Variants in THOP1 observed in about 807,000 individuals in gnomAD.
THOP1 encodes the protein thimet oligopeptidase.
Under a neutral mutation model 71.8 loss-of-function variants are expected in THOP1, and 49 were observed. That is an observed-to-expected ratio of 0.68 (90% CI 0.54 to 0.87). The LOEUF (loss-of-function observed/expected upper bound fraction) is 0.87, where lower values mean the gene tolerates loss of function less well. Ranked by LOEUF, THOP1 falls within the 40% of genes least tolerant of loss-of-function variation. The probability of loss-of-function intolerance (pLI) is 0.00; values close to 1 mark genes in which losing one functional copy is unlikely to be tolerated. For synonymous variants in THOP1, 426 were observed against 421.5 expected (o/e 1.01, Z -0.13); for missense variants, 843 against 975.6 (o/e 0.86, Z 1.81).
At chr19:2,796,317 C>A in intron 4 of THOP1, 129 bp downstream of exon 4, 2 of 717,370 alleles carry the variant, frequency 2.8e-6, no homozygotes, top group Non-Finnish European at 4.6e-6. Flanking sequence ...GTGCTGGGCT[C>A]GGGGAGTGCT....
rs143179443 is a variant in THOP1, at chr19:2,799,759, C to G, written c.557C>G (p.Thr186Arg). 6.2e-7 allele frequency: 1 copy of G among 1,613,938 alleles called. No homozygotes were observed. The highest frequency in any genetic ancestry group is 1.3e-5 in the African/African-American group (1 of 75,052). ...IDFNKNLNED[T>R]TFLPFTLQEL... ...TTCAACAAGAACCTGAACGAGGACA[C>G]GACCTTCCTGCCCTTCACGCTCCAG... is the stretch of plus-strand genomic sequence containing the variant. Residue 186 changes from threonine (T) to arginine (R), a missense_variant, in exon 5 of 13, where the codon ACG (threonine) becomes AGG (arginine). Thr to Arg is a moderately conservative substitution (Grantham distance 71). Coordinates refer to ENST00000307741, the MANE Select transcript of THOP1 (RefSeq NM_003249.5).
intron 11 of THOP1, among the ~76,000 whole-genome samples, chr19:2,811,172 C>T (rs891516301): frequency 3.2e-4 from 49 of 152,208 alleles, no homozygotes; most frequent in African/African-American, 1.1e-3. Flanking sequence ...TGTTCACACA[C>T]GCTTGCGAGG....
intron 12 of THOP1, among the ~76,000 whole-genome samples, chr19:2,812,894 G>A (rs553252991): frequency 1.1e-3 from 162 of 152,278 alleles, no homozygotes; most frequent in Non-Finnish European, 1.9e-3. Context: ...TGGGGAGTTC[G>A]GGGCTCTGCT....
intron 1 of THOP1, chr19:2,786,994 A>T (rs1360110193): frequency 6.6e-6 from 1 of 151,700 alleles, no homozygotes; most frequent in Non-Finnish European, 1.5e-5. Context: ...TGACCTCGTG[A>T]TCCACCCGCC....
chr19:2,813,435 G>A lies in THOP1; in HGVS notation c.*159G>A, dbSNP rs756254402. On this transcript the variant is annotated 3_prime_UTR_variant, in exon 13 of 13. Coordinates refer to ENST00000307741, the MANE Select transcript of THOP1 (RefSeq NM_003249.5). ...TGTCATTGTCTGTCCCCACCCGGTC[G>A]TGGCCCACCCGGCTAGAGACGGCGT... 54 of 955,592 alleles carry A rather than the reference G, an allele frequency of 5.7e-5. No individual in the cohort carries two copies. Among genetic ancestry groups the A allele is most frequent in the Admixed American group, 1.8e-4 (6 of 33,930 alleles). 59.2% of individuals were successfully genotyped at this position (955,592 alleles called of 1,614,324 possible).
In THOP1 at chr19:2,807,584, G is replaced by A. The variant is rs758232107; in HGVS notation, c.1029G>A (p.Gln343=). 10 of 1,612,602 alleles carry A rather than the reference G, an allele frequency of 6.2e-6. No individual in the cohort carries two copies. The highest frequency in any genetic ancestry group is 1.6e-4 in the Middle Eastern group (1 of 6,078). ...RAWDMRYYMN[Q]VEETRYCVDQ... ...GGGACATGCGCTACTACATGAACCA[G>A]GTGGAGGAGACGCGCTACTGCGTGG... Residue 343 remains glutamine, a synonymous_variant, in exon 8 of 13, where the codon CAG becomes CAA. Transcript: ENST00000307741.
chr19:2,797,693 A>G (rs959610448), intron 4 of THOP1, among the ~76,000 whole-genome samples: 1 of 152,238 alleles, frequency 6.6e-6, no homozygotes, highest in African/African-American at 2.4e-5. Context: ...GATTTATGAT[A>G]TTCACAACTC....
chr19:2,806,816 C>T (rs531131039), intron 6 of THOP1, 101 bp from the exon 7 acceptor site: 25 of 1,580,768 alleles, frequency 1.6e-5, no homozygotes, highest in Middle Eastern at 2.0e-4. Context: ...GGAGGTCAGA[C>T]GGAGCTGGAT....
At chr19:2,796,747 C>G (rs888838081) in intron 4 of THOP1, among the ~76,000 whole-genome samples, 3 of 152,204 alleles carry the variant, frequency 2.0e-5, no homozygotes, top group African/African-American at 4.8e-5. Context: ...GAGCGTCCCC[C>G]CTTCAGGGCT....
intron 1 of THOP1, among the ~76,000 whole-genome samples, chr19:2,787,338 A>T (rs777789685): frequency 3.0e-4 from 46 of 152,154 alleles, no homozygotes; most frequent in Non-Finnish European, 3.8e-4. Context: ...ATAGTCAGGG[A>T]TATTCAGGCC....
chr19:2,813,896 AGAGAGTCTG>A lies in THOP1; in HGVS notation c.*623_*631del. On this transcript the variant is annotated 3_prime_UTR_variant, in exon 13 of 13. Coordinates refer to ENST00000307741, the MANE Select transcript of THOP1 (RefSeq NM_003249.5). ...CATCAAGGACCAGGCTCCACTGGTC[AGAGAGTCTG>A]GAAAGTCAGGGCAGGCCCTGTGCGC... 6.6e-6 allele frequency: 1 copy of A among 152,548 alleles called. No homozygotes were observed. The highest frequency in any genetic ancestry group is 2.4e-5 in the African/African-American group (1 of 41,552). 9.4% of individuals were successfully genotyped at this position (152,548 alleles called of 1,614,324 possible).
Position 2,785,530 on chromosome 19 carries a change from G to C in THOP1, c.-133G>C. 9.6e-7 allele frequency: 1 copy of C among 1,041,142 alleles called. No homozygotes were observed. Among genetic ancestry groups the C allele is most frequent in the Non-Finnish European group, 1.3e-6 (1 of 791,954 alleles). The allele number at this position is 1,041,142 out of a possible 1,614,324, so 64.5% of individuals were successfully genotyped here. A position where few individuals can be genotyped will look rare whatever the true frequency, so the allele number is the denominator to read the frequency against. ...CATGCCCCGGGAGCGCGGGCGGCGG[G>C]CCCCTTGGTCCTCAGGCGGCCGTGG... is the stretch of plus-strand genomic sequence containing the variant. On this transcript the variant is annotated 5_prime_UTR_variant, in exon 1 of 13. Coordinates refer to ENST00000307741, the MANE Select transcript of THOP1 (RefSeq NM_003249.5).
chr19:2,810,843 G>T lies in THOP1; in HGVS notation c.1771+75G>T, dbSNP rs554717161. On this transcript the variant is annotated intron_variant, in intron 11 of 12. Coordinates refer to ENST00000307741, the MANE Select transcript of THOP1 (RefSeq NM_003249.5). ...TTCCCTGGGAAGGTGAAGGGAGTTG[G>T]TCCCCATGCTTCACTTAGCAAGTGC... 2.9e-4 allele frequency: 449 copies of T among 1,525,000 alleles called. 1 individual carries two copies. In the African/African-American group the frequency reaches 4.1e-3, roughly 14 times the overall value. The allele number at this position is 1,525,000 out of a possible 1,614,324, so 94.5% of individuals were successfully genotyped here.
At chr19:2,786,765 A>ATTTTTTTTTTTTTTTTTTTT (rs550767741) in intron 1 of THOP1, among the ~76,000 whole-genome samples, 2 of 101,206 alleles carry the variant, frequency 2.0e-5, no homozygotes, top group South Asian at 7.1e-4. Flanking sequence ...CACCTGGCTA[A>ATTTTTTTTTTTTTTTTTTTT]TTTTTTTTTT....
At position 2,804,811 on chromosome 19, in the gene THOP1, G is replaced by T. The variant is rs1423899693; in HGVS notation, c.590-205G>T. Reference sequence around the variant, plus strand: ...GAGAAACGTGGCAGGTGGTGGCCAGGCTGTGGGGGAGCCAGGGTATTTCTT... The same window carrying T: ...GAGAAACGTGGCAGGTGGTGGCCAGTCTGTGGGGGAGCCAGGGTATTTCTT... On this transcript the variant is annotated intron_variant, in intron 5 of 12. Coordinates refer to ENST00000307741, the MANE Select transcript of THOP1 (RefSeq NM_003249.5). The surrounding 1 kb of genome is among the most constrained non-coding windows in gnomAD (Gnocchi z 4.7). 6.6e-6 allele frequency among the ~76,000 whole-genome samples: 1 copy of T among 152,262 alleles called. No individual in the cohort carries two copies. Among genetic ancestry groups the T allele is most frequent in the East Asian group, 1.9e-4 (1 of 5,168 alleles).
At position 2,813,112 on chromosome 19, in the gene THOP1, C is replaced by T. The variant is rs1462352817; in HGVS notation, c.1909-3C>T. The T allele has an allele frequency of 6.2e-7, 1 of 1,607,228 alleles. No homozygotes were observed. The highest frequency in any genetic ancestry group is 8.5e-7 in the Non-Finnish European group (1 of 1,176,646). ...CGGCCACAGTGCCCTGTCTCCTCGGCAGGTTGGCATGGATTACAGAAGCTG... is the reference window on the plus strand; with the variant it reads ...CGGCCACAGTGCCCTGTCTCCTCGGTAGGTTGGCATGGATTACAGAAGCTG... On this transcript the variant is annotated splice_polypyrimidine_tract_variant and splice_region_variant and intron_variant, in intron 12 of 12. Coordinates refer to ENST00000307741, the MANE Select transcript of THOP1 (RefSeq NM_003249.5).
chr19:2,813,556 G>T lies in THOP1; in HGVS notation c.*280G>T, dbSNP rs1206566677. ...TGGGAAACGTCCCTTGTCAGGAGACGGCTCTTCTTTGAAATGAGGTCATTA... is the reference window on the plus strand; with the variant it reads ...TGGGAAACGTCCCTTGTCAGGAGACTGCTCTTCTTTGAAATGAGGTCATTA... On this transcript the variant is annotated 3_prime_UTR_variant, in exon 13 of 13. Transcript: ENST00000307741. The T allele has an allele frequency of 4.8e-6, 2 of 420,906 alleles. No homozygotes were observed. Among genetic ancestry groups the T allele is most frequent in the Non-Finnish European group, 8.5e-6 (2 of 235,164 alleles). The allele number at this position is 420,906 out of a possible 1,614,324, so 26.1% of individuals were successfully genotyped here.
In THOP1 at chr19:2,807,774, G is replaced by A. The variant is rs747755260; in HGVS notation, c.1219G>A (p.Val407Met). Residue 407 changes from valine (V) to methionine (M), a missense_variant, in exon 8 of 13, where the codon GTG (valine) becomes ATG (methionine). Val to Met is a conservative substitution (Grantham distance 21, BLOSUM62 1). Coordinates refer to ENST00000307741, the MANE Select transcript of THOP1 (RefSeq NM_003249.5). The part of the protein sequence containing the change: ...YTARDAASGE[V>M]VGKFYLDLYP... The stretch of plus-strand genomic sequence containing the variant: ...CGCGAGGGACGCGGCCTCGGGGGAG[G>A]TGGTCGGCAAGTTCTACCTGGACCT... 2.0e-6 allele frequency: 3 copies of A among 1,534,972 alleles called. No homozygotes were observed. The highest frequency in any genetic ancestry group is 1.9e-5 in the Admixed American group (1 of 51,930).
At chr19:2,807,367 G>A (rs947252069) in intron 7 of THOP1, 75 bp from the exon 8 acceptor site, 33 of 1,482,544 alleles carry the variant, frequency 2.2e-5, no homozygotes, top group African/African-American at 5.6e-5. Context: ...ACGAAGTCGC[G>A]GCCGCGGGCG....
Sources: gnomAD v4.1 joint callset for allele counts (sites outside exome capture counted in the v4.1 genomes callset) on GRCh38, gnomAD v4.1.1 for gene constraint, Gnocchi (gnomAD v3.1) non-coding constraint, MANE v1.5 for transcripts, NCBI Gene and HGNC (gene_info 2026-07-23, HGNC 2026-07-21) for gene names.